ERICH1: variants seen among roughly 807,000 people sequenced by gnomAD.
ERICH1 encodes glutamate rich 1.
ERICH1 carries 56 observed loss-of-function variants against 39.6 expected under a neutral mutation model. The ratio of observed to expected loss-of-function variants is 1.41; its 90% CI spans 1.14 to 1.77. The LOEUF is 1.77. ERICH1 is among the 40% of genes most tolerant of loss of function. The pLI is 0.00. For missense variants in ERICH1, 826 were observed against 575.4 expected, an observed-to-expected ratio of 1.44 and a Z score of -4.45; for synonymous variants, 313 against 223.6, an observed-to-expected ratio of 1.40 and a Z score of -3.57.
intron 1 of ERICH1, among the ~76,000 whole-genome samples, chr8:717,734 C>G (rs758198674): frequency 6.6e-6 from 1 of 152,228 alleles, no homozygotes; most frequent in Non-Finnish European, 1.5e-5. Flanking sequence ...CCAACGCGGA[C>G]ATGTGGCTGA....
chr8:720,512 A>T, intron 1 of ERICH1, among the ~76,000 whole-genome samples: 2 of 152,306 alleles, frequency 1.3e-5, no homozygotes, highest in African/African-American at 4.8e-5. Context: ...TTAGTATACA[A>T]TTTTAGTCCT....
At chr8:711,146 C>A (rs1012937688) in intron 2 of ERICH1, among the ~76,000 whole-genome samples, 1 of 152,244 alleles carries the variant, frequency 6.6e-6, no homozygotes, top group Admixed American at 6.5e-5. Flanking sequence ...TTGCCATCTA[C>A]ATATTTTCCT....
At chr8:654,507 G>A (rs1330828368) in intron 3 of ERICH1, among the ~76,000 whole-genome samples, 1 of 152,130 alleles carries the variant, frequency 6.6e-6, no homozygotes, top group Non-Finnish European at 1.5e-5. Context: ...AAGGAGCTGT[G>A]ACATTATGTT....
chr8:713,296 G>A (rs1472670769), intron 2 of ERICH1, among the ~76,000 whole-genome samples: 2 of 152,244 alleles, frequency 1.3e-5, no homozygotes, highest in East Asian at 1.9e-4. Flanking sequence ...GTGAGGCGGG[G>A]AGCGCAATTC....
At chr8:665,683 T>C (rs768703000) in intron 5 of ERICH1, among the ~76,000 whole-genome samples, 1 of 152,198 alleles carries the variant, frequency 6.6e-6, no homozygotes, top group Non-Finnish European at 1.5e-5. Context: ...CTACTACTGA[T>C]AAAGAGTACG....
At chr8:684,857 C>T (rs532759607) in intron 3 of ERICH1, among the ~76,000 whole-genome samples, 10 of 152,228 alleles carry the variant, frequency 6.6e-5, no homozygotes, top group South Asian at 2.1e-4. Flanking sequence ...TGTACAAATA[C>T]GGTATGGGTC....
At chr8:625,201 C>A (rs1797534258) in intron 3 of ERICH1, among the ~76,000 whole-genome samples, 1 of 152,152 alleles carries the variant, frequency 6.6e-6, no homozygotes, top group African/African-American at 2.4e-5. Flanking sequence ...GAGTCATTCA[C>A]AATCACCCAA....
At chr8:668,522 G>T in intron 5 of ERICH1, 76 bp downstream of exon 5, 1 of 1,495,958 alleles carries the variant, frequency 6.7e-7, no homozygotes, top group Non-Finnish European at 9.3e-7. Context: ...TGTTTTGGTG[G>T]CGTGTAAGTC....
At chr8:655,369 C>G (rs1234632672) in intron 3 of ERICH1, among the ~76,000 whole-genome samples, 2 of 152,202 alleles carry the variant, frequency 1.3e-5, no homozygotes, top group South Asian at 4.1e-4. Flanking sequence ...GATTTCTGTA[C>G]GTCAGCACAC....
intron 3 of ERICH1, among the ~76,000 whole-genome samples, chr8:691,484 A>T (rs894848270): frequency 1.3e-5 from 2 of 152,264 alleles, no homozygotes; most frequent in South Asian, 4.1e-4. Flanking sequence ...CCAACCGCGG[A>T]CAACAGGAAG....
chr8:685,496 G>A lies in ERICH1; in HGVS notation c.304+6982C>T, dbSNP rs546753078. On this transcript the variant is annotated intron_variant, in intron 3 of 5. Transcript: ENST00000262109. ...AAGATGATGGGATTAAGAGATTAAA[G>A]ACATGCATAGGAAATTATAAGAGTA... 2.0e-5 allele frequency among the ~76,000 whole-genome samples: 3 copies of A among 152,322 alleles called. No individual in the cohort carries two copies. In the South Asian group the frequency reaches 6.2e-4, roughly 32 times the overall value.
chr8:718,238 G>C (rs1276122394), intron 1 of ERICH1, among the ~76,000 whole-genome samples: 1 of 150,718 alleles, frequency 6.6e-6, no homozygotes, highest in Non-Finnish European at 1.5e-5. Flanking sequence ...GGTATGGATC[G>C]GAGTGCACGG....
chr8:661,943 A>T (rs1585102559), downstream of ERICH1, among the ~76,000 whole-genome samples: 1 of 150,214 alleles, frequency 6.7e-6, no homozygotes, highest in East Asian at 1.9e-4. Flanking sequence ...AGTGGCAGGG[A>T]TTCTGTGGAA....
intron 3 of ERICH1, among the ~76,000 whole-genome samples, chr8:632,000 G>A (rs1446459895): frequency 6.6e-6 from 1 of 152,114 alleles, no homozygotes; most frequent in Non-Finnish European, 1.5e-5. Flanking sequence ...ATCCTATGCT[G>A]CTTAGAACTC....
At chr8:640,210 C>G (rs1563178347) in intron 3 of ERICH1, among the ~76,000 whole-genome samples, 1 of 152,104 alleles carries the variant, frequency 6.6e-6, no homozygotes, top group Admixed American at 6.5e-5. Context: ...TGGAGAAGGT[C>G]CTCATGAAAA....
chr8:658,542 C>T (rs903648448), intron 3 of ERICH1, among the ~76,000 whole-genome samples: 9 of 152,210 alleles, frequency 5.9e-5, no homozygotes, highest in Admixed American at 5.2e-4. Flanking sequence ...AATTATTCCT[C>T]CTGTGTCATG....
chr8:716,121 G>T, intron 1 of ERICH1, 114 bp from the exon 2 acceptor site: 1 of 1,298,410 alleles, frequency 7.7e-7, no homozygotes, highest in Non-Finnish European at 1.0e-6. Flanking sequence ...AAGCACCAAC[G>T]GAGACCCAAG....
intron 2 of ERICH1, among the ~76,000 whole-genome samples, chr8:707,446 G>A (rs1813567652): frequency 6.6e-6 from 1 of 152,074 alleles, no homozygotes; most frequent in South Asian, 2.1e-4. Flanking sequence ...GACCTCAAGT[G>A]ATCCATCCAC....
At chr8:663,481 T>C (rs967593793), downstream of ERICH1, among the ~76,000 whole-genome samples, 15 of 151,804 alleles carry the variant, frequency 9.9e-5, no homozygotes, top group African/African-American at 3.4e-4. Flanking sequence ...GGAAGAGAGA[T>C]TGGCACCCAC....
Sources: gnomAD v4.1 joint callset for allele counts (sites outside exome capture counted in the v4.1 genomes callset) on GRCh38, gnomAD v4.1.1 for gene constraint, MANE v1.5 for transcripts, NCBI Gene and HGNC (gene_info 2026-07-23, HGNC 2026-07-21) for gene names.